DUS2: variants seen among roughly 807,000 people sequenced by gnomAD.
DUS2 encodes tRNA-dihydrouridine(20) synthase [NAD(P)+]-like.
A neutral mutation model predicts 71.3 loss-of-function variants in DUS2; 52 were observed. The observed-to-expected ratio is 0.73, with a 90% CI of 0.58 to 0.92. The LOEUF (loss-of-function observed/expected upper bound fraction) is 0.92. Ranked by LOEUF, DUS2 falls within the 40% of genes least tolerant of loss-of-function variation. DUS2 has a pLI of 0.00. For missense variants in DUS2, 558 were observed against 622.6 expected, an observed-to-expected ratio of 0.90 and a Z score of 1.10; for synonymous variants, 204 against 227.8, an observed-to-expected ratio of 0.90 and a Z score of 0.94.
At chr16:68,045,683 A>AT (rs936077195) in intron 3 of DUS2, among the ~76,000 whole-genome samples, 7 of 142,464 alleles carry the variant, frequency 4.9e-5, no homozygotes, top group Non-Finnish European at 9.2e-5. Context: ...CTTTTATTTT[A>AT]TTTTTTTTTC....
chr16:68,068,365 AAGGCAGC>A (rs1468125550), intron 10 of DUS2, among the ~76,000 whole-genome samples: 1 of 152,170 alleles, frequency 6.6e-6, no homozygotes, highest in Non-Finnish European at 1.5e-5. Context: ...GCGCCTTCCC[AAGGCAGC>A]AGGCTTTGGA....
intron 7 of DUS2, among the ~76,000 whole-genome samples, chr16:68,057,040 A>T (rs973877266): frequency 7.6e-6 from 1 of 130,986 alleles, no homozygotes; most frequent in Non-Finnish European, 1.6e-5. Flanking sequence ...AATATATGTA[A>T]TATATATTTA....
chr16:68,069,458 C>T (rs1036138045), intron 10 of DUS2, among the ~76,000 whole-genome samples: 6 of 152,134 alleles, frequency 3.9e-5, no homozygotes, highest in Admixed American at 6.5e-5. Context: ...GCTATCTGGT[C>T]GACCGTCTTG....
intron 3 of DUS2, among the ~76,000 whole-genome samples, chr16:68,043,737 T>A (rs1485587868): frequency 6.6e-6 from 1 of 152,214 alleles, no homozygotes; most frequent in Non-Finnish European, 1.5e-5. Flanking sequence ...CCATCTCAGC[T>A]CACTGCAACC....
chr16:68,076,602 G>A (rs781771018), intron 14 of DUS2, 30 bp from the exon 15 acceptor site: 2 of 1,570,090 alleles, frequency 1.3e-6, no homozygotes, highest in Non-Finnish European at 1.8e-6. Context: ...GATGGTGGGT[G>A]ACCCCAACTG....
intron 2 of DUS2, among the ~76,000 whole-genome samples, chr16:68,037,760 C>T (rs981253055): frequency 6.6e-6 from 1 of 151,996 alleles, no homozygotes. Context: ...ATTAGCCGGT[C>T]GTGGTGGCAG....
chr16:68,043,823 C>T (rs992105692), intron 3 of DUS2, among the ~76,000 whole-genome samples: 1 of 152,104 alleles, frequency 6.6e-6, no homozygotes, highest in South Asian at 2.1e-4. Context: ...TGCCCCCATG[C>T]CTGCTTAATT....
chr16:68,075,536 AGGGCCAGCACCCTTGGGGTCCCACT>A (rs2034145201), intron 14 of DUS2, 32 bp downstream of exon 14: 1 of 1,597,604 alleles, frequency 6.3e-7, no homozygotes, highest in African/African-American at 1.3e-5. Context: ...AGCTTGGGCT[AGGGCCAGCACCCTTGGGGTCCCACT>A]GGGCCAGCAC....
chr16:68,025,920 A>G (rs941089502), intron 2 of DUS2, among the ~76,000 whole-genome samples: 3 of 152,172 alleles, frequency 2.0e-5, no homozygotes, highest in Non-Finnish European at 4.4e-5. Context: ...AGCACCACGC[A>G]TGTGCCAGGC....
intron 12 of DUS2, among the ~76,000 whole-genome samples, chr16:68,072,516 G>A (rs2034101360): frequency 6.6e-6 from 1 of 152,224 alleles, no homozygotes; most frequent in Non-Finnish European, 1.5e-5. Flanking sequence ...GAGAAAGGGA[G>A]CGGCTTTCAA....
At chr16:68,050,702 T>A (rs977829755) in intron 4 of DUS2, among the ~76,000 whole-genome samples, 1 of 152,190 alleles carries the variant, frequency 6.6e-6, no homozygotes, top group Non-Finnish European at 1.5e-5. Flanking sequence ...TATCTATATT[T>A]ATCTATCTCC....
intron 3 of DUS2, among the ~76,000 whole-genome samples, chr16:68,044,608 G>T (rs1894482065): frequency 6.6e-6 from 1 of 151,874 alleles, no homozygotes; most frequent in African/African-American, 2.4e-5. Flanking sequence ...TGTTGCCCAG[G>T]CTGGTCTCGA....
chr16:68,026,992 C>T (rs2033360686), intron 2 of DUS2: 1 of 151,694 alleles, frequency 6.6e-6, no homozygotes, highest in South Asian at 2.1e-4. Flanking sequence ...GAATTGGGCT[C>T]AACCTCTTCT....
At chr16:68,052,648 T>C (rs1476353572) in intron 4 of DUS2, among the ~76,000 whole-genome samples, 1 of 151,306 alleles carries the variant, frequency 6.6e-6, no homozygotes, top group Admixed American at 6.6e-5. Flanking sequence ...GTATGGACTT[T>C]TTTTTTTTTT....
intron 11 of DUS2, 135 bp from the exon 12 acceptor site, chr16:68,070,805 C>T: frequency 1.2e-6 from 1 of 826,058 alleles, no homozygotes; most frequent in Non-Finnish European, 1.9e-6. Flanking sequence ...ATCCACTTTA[C>T]TGAAGCTCTG....
chr16:68,078,506 A>T lies in DUS2; in HGVS notation c.1232A>T (p.Gln411Leu), dbSNP rs1422741896. Residue 411 changes from glutamine (Q) to leucine (L), a missense_variant, in exon 16 of 17, where the codon CAG becomes CTG. Transcript: ENST00000565263. ...SIVTVAEQKY[Q>L]STLWDKSKKL... Reference sequence around the variant, plus strand: ...GTCACCGTTGCTGAACAAAAGTATCAGTCTACCTTGTGGTAAGTTTCCTTA... The same window carrying T: ...GTCACCGTTGCTGAACAAAAGTATCTGTCTACCTTGTGGTAAGTTTCCTTA... 13 of 1,614,070 alleles carry T rather than the reference A, an allele frequency of 8.1e-6. No homozygotes were observed. Among genetic ancestry groups the T allele is most frequent in the Non-Finnish European group, 1.0e-5 (12 of 1,180,030 alleles).
chr16:68,073,274 A>G (rs983044900), intron 12 of DUS2, among the ~76,000 whole-genome samples: 6 of 151,794 alleles, frequency 4.0e-5, no homozygotes, highest in African/African-American at 1.2e-4. Context: ...ATTTATTTTT[A>G]TTTTTATTTT....
At chr16:68,041,958 A>T (rs184123146) in intron 3 of DUS2, among the ~76,000 whole-genome samples, 1 of 152,120 alleles carries the variant, frequency 6.6e-6, no homozygotes. Context: ...TGTGAAACAG[A>T]CCTCCGGAAC....
intron 8 of DUS2, among the ~76,000 whole-genome samples, chr16:68,061,632 C>T (rs1229873203): frequency 2.0e-5 from 3 of 152,182 alleles, no homozygotes; most frequent in African/African-American, 7.2e-5. Flanking sequence ...CTCTCTGTTC[C>T]CCTTTCTTTG....
Sources: allele counts gnomAD v4.1 joint callset (sites outside exome capture counted in the v4.1 genomes callset), GRCh38; gene constraint gnomAD v4.1.1; transcripts MANE v1.5; gene names NCBI Gene and HGNC (gene_info 2026-07-23, HGNC 2026-07-21).